AGO1: variants seen among roughly 807,000 people sequenced by gnomAD.
The protein encoded by AGO1 is argonaute RISC component 1.
A neutral mutation model predicts 109.2 loss-of-function variants in AGO1; 11 were observed. That is an observed-to-expected ratio of 0.10 (90% confidence interval 0.06 to 0.17). AGO1 has a LOEUF of 0.17. Among genes scored for constraint, AGO1 ranks in the 10% least tolerant of loss-of-function variants. AGO1 has a pLI of 1.00. For synonymous variants in AGO1, 422 were observed against 418.6 expected (o/e 1.01, Z -0.10); for missense variants, 574 against 1,140.3 (o/e 0.50, Z 7.15).
At chr1:35,877,482 G>C (rs557214059) in intron 1 of AGO1, among the ~76,000 whole-genome samples, 1 of 152,060 alleles carries the variant, frequency 6.6e-6, no homozygotes, top group Non-Finnish European at 1.5e-5. Flanking sequence ...GATTATCCCA[G>C]ACTAGATTAG....
rs1433750173 is a variant in AGO1, at chr1:35,901,657, C to T, written c.1140+64C>T. 6.2e-7 allele frequency: 1 copy of T among 1,607,568 alleles called. No individual in the cohort carries two copies. Among genetic ancestry groups the T allele is most frequent in the African/African-American group, 1.3e-5 (1 of 74,716 alleles). On this transcript the variant is annotated intron_variant, in intron 9 of 18. Transcript: ENST00000373204. The surrounding 1 kb of genome is among the most constrained non-coding windows in gnomAD (Gnocchi z 4.8). ...TTGGTAGCATAAATGTTTTAATGCC[C>T]CAGCAGGACCTTCCTTCAGGAGAAC...
Position 35,877,153 on chromosome 1 carries a change from G to T in AGO1, c.-201+7250G>T, listed in dbSNP as rs552486917. ...TTCAGGCTGGGTGAAACTGAACCGTGAATCTGCATAGAGTGTCAGAACCAG... is the reference window on the plus strand; with the variant it reads ...TTCAGGCTGGGTGAAACTGAACCGTTAATCTGCATAGAGTGTCAGAACCAG... On this transcript the variant is annotated intron_variant, in intron 1 of 18. Transcript: ENST00000373206. 7.9e-5 allele frequency among the ~76,000 whole-genome samples: 12 copies of T among 152,260 alleles called. 1 individual carries two copies. Among genetic ancestry groups the T allele is most frequent in the Admixed American group, 7.2e-4 (11 of 15,282 alleles).
At chr1:35,898,602 A>G (rs886889009) in intron 8 of AGO1, among the ~76,000 whole-genome samples, 1 of 152,200 alleles carries the variant, frequency 6.6e-6, no homozygotes, top group Non-Finnish European at 1.5e-5. Context: ...CAAAGTAGCT[A>G]TGATATTTTA....
chr1:35,870,825 A>G (rs1357820089), intron 1 of AGO1, among the ~76,000 whole-genome samples: 1 of 152,058 alleles, frequency 6.6e-6, no homozygotes, highest in Non-Finnish European at 1.5e-5. Flanking sequence ...TAATATGTAT[A>G]TTTGTATCCT....
In AGO1 at chr1:35,928,052, A is replaced by G. The variant is rs1645963342; in HGVS notation, c.*8445A>G. 6.6e-6 allele frequency: 1 copy of G among 152,234 alleles called. No individual in the cohort carries two copies. Among genetic ancestry groups the G allele is most frequent in the Non-Finnish European group, 1.5e-5 (1 of 68,044 alleles). The allele number at this position is 152,234 out of a possible 1,614,324, so 9.4% of individuals were successfully genotyped here. A position where few individuals can be genotyped will look rare whatever the true frequency, so the allele number is the denominator to read the frequency against. On this transcript the variant is annotated 3_prime_UTR_variant, in exon 19 of 19. Coordinates refer to ENST00000373204, the MANE Select transcript of AGO1 (RefSeq NM_012199.5). ...TAACACAAGAAGCCTAGGAGTAGAA[A>G]GTCCTAAGCAGAGTAGAATAATAGC...
chr1:35,872,696 C>T (rs574204277), intron 1 of AGO1, among the ~76,000 whole-genome samples: 7 of 152,092 alleles, frequency 4.6e-5, no homozygotes, highest in African/African-American at 1.7e-4. Context: ...CTCAGTCACC[C>T]GAGAAGCTAG....
At chr1:35,898,493 G>A (rs11263834) in intron 8 of AGO1, among the ~76,000 whole-genome samples, 10,714 of 152,152 alleles carry the variant, frequency 0.07, 1,257 homozygotes, top group African/African-American at 0.24. Flanking sequence ...CCTGACTCAT[G>A]ATCCGCCCGC....
At chr1:35,870,058 T>C (rs1644934813) in intron 1 of AGO1, among the ~76,000 whole-genome samples, 1 of 152,070 alleles carries the variant, frequency 6.6e-6, no homozygotes, top group African/African-American at 2.4e-5. Flanking sequence ...TTAATTTTTT[T>C]TCCTGTCAGC....
intron 8 of AGO1, among the ~76,000 whole-genome samples, 184 bp downstream of exon 8, chr1:35,895,453 C>T (rs1645301465): frequency 1.3e-5 from 2 of 152,114 alleles, no homozygotes; most frequent in Non-Finnish European, 2.9e-5. Context: ...CCCCATCCTA[C>T]TCTCATGTTC....
In AGO1 at chr1:35,919,031, C is replaced by G. The variant is rs368413033; in HGVS notation, c.2266-24C>G. On this transcript the variant is annotated intron_variant, in intron 17 of 18. Coordinates refer to ENST00000373204, the MANE Select transcript of AGO1 (RefSeq NM_012199.5). The surrounding 1 kb of genome is among the most constrained non-coding windows in gnomAD (Gnocchi z 6.6). ...GCCATCTTCTCTGCCCAGCCTGGGA[C>G]CCCTCACCTTCCTATCTTCCCAGGG... 4 of 1,609,984 alleles carry G rather than the reference C, an allele frequency of 2.5e-6. No homozygotes were observed. The highest frequency in any genetic ancestry group is 1.7e-5 in the Admixed American group (1 of 59,988).
Position 35,894,121 on chromosome 1 carries a change from C to A in AGO1, c.734C>A (p.Pro245His). Residue 245 changes from proline to histidine, a missense_variant, in exon 6 of 19, where the codon CCC (proline) becomes CAC (histidine). Physicochemically the swap from Pro to His is moderately conservative, Grantham distance 77. This residue lies in a region of AGO1 where 129 missense variants were observed against 243.0 expected (regional missense o/e 0.53). Coordinates refer to ENST00000373204, the MANE Select transcript of AGO1 (RefSeq NM_012199.5). ...GACATCAGGAACATAGATGAGCAGC[C>A]CAAGCCCCTCACGGACTCTCAGCGC... ...VLDIRNIDEQ[P>H]KPLTDSQRVR... The A allele has an allele frequency of 6.3e-7, 1 of 1,589,564 alleles. No individual in the cohort carries two copies. The highest frequency in any genetic ancestry group is 8.6e-7 in the Non-Finnish European group (1 of 1,168,278).
rs1645895229 is a variant in AGO1 at position 35,924,741 on chromosome 1, T to A, written c.*5134T>A. ...GTTTCTCCTTGACCATAGGAGTGTG[T>A]TGGGACATTCTGCCAGTCAAGATGG... On this transcript the variant is annotated 3_prime_UTR_variant, in exon 19 of 19. Coordinates refer to ENST00000373204, the MANE Select transcript of AGO1 (RefSeq NM_012199.5). The A allele has an allele frequency of 6.6e-6, 1 of 152,154 alleles. No homozygotes were observed. Among genetic ancestry groups the A allele is most frequent in the Non-Finnish European group, 1.5e-5 (1 of 68,046 alleles). The allele number at this position is 152,154 out of a possible 1,614,324, so 9.4% of individuals were successfully genotyped here.
rs1277888972 is a variant in AGO1 at position 35,901,840 on chromosome 1, T to A, written c.1141-108T>A. ...CACTTTCTCTCTCTTTTTAGGACTATTCCGTACCAACCCCAGCTTCTCCTT... is the reference window on the plus strand; with the variant it reads ...CACTTTCTCTCTCTTTTTAGGACTAATCCGTACCAACCCCAGCTTCTCCTT... On this transcript the variant is annotated intron_variant, in intron 9 of 18. Transcript: ENST00000373204. The surrounding 1 kb of genome is among the most constrained non-coding windows in gnomAD (Gnocchi z 4.8). 6.8e-7 allele frequency: 1 copy of A among 1,461,590 alleles called. No individual in the cohort carries two copies. Among genetic ancestry groups the A allele is most frequent in the Non-Finnish European group, 9.2e-7 (1 of 1,084,110 alleles). The allele number at this position is 1,461,590 out of a possible 1,614,324, so 90.5% of individuals were successfully genotyped here.
At position 35,928,348 on chromosome 1, in the gene AGO1, G is replaced by A. The variant is rs13374690; in HGVS notation, c.*8741G>A. 11,087 of 152,132 alleles carry A rather than the reference G, an allele frequency of 0.073. 1,342 individuals are homozygous for A. The highest frequency in any genetic ancestry group is 0.25 in the African/African-American group (10,410 of 41,450). The allele number at this position is 152,132 out of a possible 1,614,324, so 9.4% of individuals were successfully genotyped here. A position where few individuals can be genotyped will look rare whatever the true frequency, so the allele number is the denominator to read the frequency against. On this transcript the variant is annotated 3_prime_UTR_variant, in exon 19 of 19. Transcript: ENST00000373204. ...CAGGCTGGAGTGCAGTCTCATGATCGCGGCTCACTGCAGTTTCTGCCTCCT... is the reference window on the plus strand; with the variant it reads ...CAGGCTGGAGTGCAGTCTCATGATCACGGCTCACTGCAGTTTCTGCCTCCT...
intron 12 of AGO1, among the ~76,000 whole-genome samples, chr1:35,908,248 T>C (rs1645561301): frequency 6.6e-6 from 1 of 152,210 alleles, no homozygotes; most frequent in South Asian, 2.1e-4. Context: ...TGCCAATGAC[T>C]TTTCTCAGTT....
Position 35,892,575 on chromosome 1 carries a change from G to C in AGO1, c.228G>C (p.Met76Ile). The C allele has an allele frequency of 6.2e-7, 1 of 1,614,238 alleles. No individual in the cohort carries two copies. The highest frequency in any genetic ancestry group is 8.5e-7 in the Non-Finnish European group (1 of 1,180,044). The change falls in exon 3 of 19, where the codon ATG (methionine) becomes ATC (isoleucine). Residue 76 changes from methionine (M) to isoleucine (I), a missense_variant. By Grantham distance (10) the Met-to-Ile change is conservative. This residue lies in a region of AGO1 where 89 missense variants were observed against 109.6 expected (regional missense o/e 0.81). Coordinates refer to ENST00000373204, the MANE Select transcript of AGO1 (RefSeq NM_012199.5). ...RRVNREVVEY[M>I]VQHFKPQIFG... ...CCCACAGGGAAGTGGTGGAATACAT[G>C]GTCCAGCATTTCAAGCCTCAGATCT...
intron 2 of AGO1, among the ~76,000 whole-genome samples, chr1:35,892,124 G>A (rs547900061): frequency 6.6e-6 from 1 of 152,312 alleles, no homozygotes; most frequent in South Asian, 2.1e-4. Context: ...AGGCCCAAGT[G>A]ATCCTCCTGC....
rs1189271057 is a variant in AGO1, at chr1:35,919,034, C to T, written c.2266-21C>T. 6.2e-7 allele frequency: 1 copy of T among 1,613,080 alleles called. No homozygotes were observed. The highest frequency in any genetic ancestry group is 1.1e-5 in the South Asian group (1 of 91,002). Reference sequence around the variant, plus strand: ...ATCTTCTCTGCCCAGCCTGGGACCCCTCACCTTCCTATCTTCCCAGGGCAC... The same window carrying T: ...ATCTTCTCTGCCCAGCCTGGGACCCTTCACCTTCCTATCTTCCCAGGGCAC... On this transcript the variant is annotated intron_variant, in intron 17 of 18. Transcript: ENST00000373204. The surrounding 1 kb of genome is among the most constrained non-coding windows in gnomAD (Gnocchi z 6.6).
At position 35,893,046 on chromosome 1, in the gene AGO1, T is replaced by A; in HGVS notation, c.331-51T>A. Reference sequence around the variant, plus strand: ...AGCAAATCCATGGAGTTGGGGGTCATTCTCGCAGAGCAATGGCAATCCTTC... The same window carrying A: ...AGCAAATCCATGGAGTTGGGGGTCAATCTCGCAGAGCAATGGCAATCCTTC... On this transcript the variant is annotated intron_variant, in intron 3 of 18. Coordinates refer to ENST00000373204, the MANE Select transcript of AGO1 (RefSeq NM_012199.5). The surrounding 1 kb of genome is among the most constrained non-coding windows in gnomAD (Gnocchi z 5.6). The A allele has an allele frequency of 6.5e-7, 1 of 1,549,070 alleles. No homozygotes were observed. Among genetic ancestry groups the A allele is most frequent in the East Asian group, 2.3e-5 (1 of 43,972 alleles).
Sources: gnomAD v4.1 joint callset for allele counts (sites outside exome capture counted in the v4.1 genomes callset) on GRCh38, gnomAD v4.1.1 for gene constraint, gnomAD v4.1.1 regional missense constraint, Gnocchi (gnomAD v3.1) non-coding constraint, MANE v1.5 for transcripts, NCBI Gene and HGNC (gene_info 2026-07-23, HGNC 2026-07-21) for gene names.